Variants in RHBDF1 observed in about 807,000 individuals in gnomAD.
The protein encoded by RHBDF1 is rhomboid 5 homolog 1.
RHBDF1 carries 80 observed loss-of-function variants against 98.6 expected under a neutral mutation model. The ratio of observed to expected loss-of-function variants is 0.81; its 90% CI spans 0.68 to 0.98. The LOEUF (loss-of-function observed/expected upper bound fraction) is 0.98. Among genes scored for constraint, RHBDF1 ranks in the 50% least tolerant of loss-of-function variants. The probability of loss-of-function intolerance (pLI) is 0.00; values close to 1 mark genes in which losing one functional copy is unlikely to be tolerated. For synonymous variants in RHBDF1, 512 were observed against 486.8 expected, an observed-to-expected ratio of 1.05 and a Z score of -0.68; for missense variants, 1,116 against 1,198.3, an observed-to-expected ratio of 0.93 and a Z score of 1.01.
In RHBDF1 at chr16:64,809, G is replaced by A. The variant is rs764102853; in HGVS notation, c.138C>T (p.Phe46=). Reference sequence around the variant, plus strand: ...CGGCTGGCATACTCACACTCCTCAGGAAAGCCTGTCGCCTCAGGGGCTGGG... The same window carrying A: ...CGGCTGGCATACTCACACTCCTCAGAAAAGCCTGTCGCCTCAGGGGCTGGG... ...SFLQPLRRQA[F]LRSVSMPAET... Residue 46 remains phenylalanine (F), a synonymous_variant, in exon 3 of 18, where the codon TTC becomes TTT. Coordinates refer to ENST00000262316, the MANE Select transcript of RHBDF1 (RefSeq NM_022450.5). 5 of 1,614,102 alleles carry A rather than the reference G, an allele frequency of 3.1e-6. No individual in the cohort carries two copies. The highest frequency in any genetic ancestry group is 4.2e-6 in the Non-Finnish European group (5 of 1,180,020).
At chr16:61,324 G>A in intron 10 of RHBDF1, 43 bp from the exon 11 acceptor site, 1 of 1,543,142 alleles carries the variant, frequency 6.5e-7, no homozygotes, top group Non-Finnish European at 8.7e-7. Context: ...GGGGCCTCCT[G>A]CCCCCGCCGG....
rs757114372 is a variant in RHBDF1 at position 63,043 on chromosome 16, C to A, written c.602G>T (p.Arg201Leu). 1 of 1,612,958 alleles carries A rather than the reference C, an allele frequency of 6.2e-7. No individual in the cohort carries two copies. Among genetic ancestry groups the A allele is most frequent in the Non-Finnish European group, 8.5e-7 (1 of 1,179,830 alleles). ...CTCTCGCTTGCGCCGCCGCGGGAGC[C>A]GGTGGAAACCTGAGCGGGAGCTGGA... ...SFSSSRSGFH[R>L]LPRRRKRESV... The change falls in exon 5 of 18, where the codon CGG becomes CTG. Residue 201 changes from arginine to leucine, a missense_variant. Arg to Leu is a moderately radical substitution (Grantham distance 102). Transcript: ENST00000262316.
intron 3 of RHBDF1, chr16:64,214 C>A (rs1203841563): frequency 6.1e-6 from 8 of 1,309,642 alleles, no homozygotes; most frequent in South Asian, 3.7e-5. Flanking sequence ...AACAAAAACA[C>A]TGCCAGCACC....
chr16:71,670 C>A (rs1340122531), intron 1 of RHBDF1, among the ~76,000 whole-genome samples: 1 of 152,184 alleles, frequency 6.6e-6, no homozygotes, highest in East Asian at 1.9e-4. Context: ...CCATCTCAAG[C>A]GGCACACACA....
chr16:67,179 C>T (rs144647169), intron 1 of RHBDF1, among the ~76,000 whole-genome samples: 3 of 152,360 alleles, frequency 2.0e-5, no homozygotes, highest in East Asian at 1.9e-4. Flanking sequence ...GCATCAGACA[C>T]GTTGGGAAGG....
intron 7 of RHBDF1, 117 bp from the exon 8 acceptor site, chr16:62,169 G>A (rs1897658313): frequency 4.5e-6 from 6 of 1,347,342 alleles, no homozygotes; most frequent in South Asian, 1.5e-5. Context: ...CAAGTCGCCC[G>A]GCATCTGCCT....
In RHBDF1 at chr16:60,295, A is replaced by G; in HGVS notation, c.1659-16T>C. ...ATCACACACCCTGCATGAGCCAAGT[A>G]TGTGGTCAGACCGGCTTCGAGCCCC... On this transcript the variant is annotated splice_polypyrimidine_tract_variant and intron_variant, in intron 12 of 17. Coordinates refer to ENST00000262316, the MANE Select transcript of RHBDF1 (RefSeq NM_022450.5). 1 of 1,613,950 alleles carries G rather than the reference A, an allele frequency of 6.2e-7. No homozygotes were observed. The highest frequency in any genetic ancestry group is 8.5e-7 in the Non-Finnish European group (1 of 1,179,982).
chr16:61,311 TC>T (rs1272555588), intron 10 of RHBDF1, 30 bp from the exon 11 acceptor site: 1 of 1,542,588 alleles, frequency 6.5e-7, no homozygotes, highest in African/African-American at 1.4e-5. Context: ...GCGGCCGCAG[TC>T]CGGGGCCTCC....
Position 68,556 on chromosome 16 carries a change from G to C in RHBDF1, c.-24-3517C>G, listed in dbSNP as rs542602825. Among the ~76,000 whole-genome samples, 10 of 152,364 alleles carry C rather than the reference G, an allele frequency of 6.6e-5. No individual in the cohort carries two copies. In the South Asian group the frequency reaches 1.9e-3, roughly 28 times the overall value. Reference sequence around the variant, plus strand: ...TGGCCCACGGAAGGCCTCACTGCCTGGGGTCACACAGCATCTGAGTCACTG... The same window carrying C: ...TGGCCCACGGAAGGCCTCACTGCCTCGGGTCACACAGCATCTGAGTCACTG... On this transcript the variant is annotated intron_variant, in intron 1 of 17. Transcript: ENST00000262316.
intron 1 of RHBDF1, among the ~76,000 whole-genome samples, chr16:70,116 C>T (rs574956156): frequency 1.7e-4 from 26 of 152,128 alleles, no homozygotes; most frequent in Non-Finnish European, 2.9e-4. Flanking sequence ...ACATGGCAGA[C>T]ACACCCAGGA....
chr16:62,449 CCA>C, intron 7 of RHBDF1, 87 bp downstream of exon 7: 1 of 1,517,892 alleles, frequency 6.6e-7, no homozygotes, highest in South Asian at 1.2e-5. Flanking sequence ...CTTCCATCGC[CCA>C]CAGAGGTGAA....
At chr16:64,189 G>A in intron 3 of RHBDF1, 1 of 1,184,722 alleles carries the variant, frequency 8.4e-7, no homozygotes, top group Middle Eastern at 2.2e-4. Context: ...GCTGTCCACA[G>A]CACTTGGACA....
At position 64,842 on chromosome 16, in the gene RHBDF1, G is replaced by C. The variant is rs778219378; in HGVS notation, c.118-13C>G. The stretch of plus-strand genomic sequence containing the variant: ...GTCGCCTCAGGGGCTGGGCAACAGG[G>C]TCATGGTGAGGGTACTGGACAGGGG... On this transcript the variant is annotated splice_polypyrimidine_tract_variant and intron_variant, in intron 2 of 17. Coordinates refer to ENST00000262316, the MANE Select transcript of RHBDF1 (RefSeq NM_022450.5). 3.4e-5 allele frequency: 55 copies of C among 1,613,992 alleles called. No individual in the cohort carries two copies. Among genetic ancestry groups the C allele is most frequent in the Admixed American group, 1.7e-5 (1 of 60,000 alleles).
At chr16:62,480 T>TGTTCCTGACG (rs1897671030) in intron 7 of RHBDF1, 58 bp downstream of exon 7, 6 of 1,585,994 alleles carry the variant, frequency 3.8e-6, no homozygotes, top group Non-Finnish European at 5.1e-6. Context: ...CTCGCCCAGC[T>TGTTCCTGACG]GTTCCTGACG....
rs372254410 is a variant in RHBDF1 at position 62,736 on chromosome 16, G to C, written c.795+39C>G. The C allele has an allele frequency of 5.1e-4, 831 of 1,614,110 alleles. 10 individuals carry two copies. In the South Asian group the frequency reaches 8.4e-3, roughly 16 times the overall value. ...AGGTCAGGGTGGACACAGGCAGGAA[G>C]GGAACGTGGGGTGGGGGGACACCCC... is the stretch of plus-strand genomic sequence containing the variant. On this transcript the variant is annotated intron_variant, in intron 6 of 17. Coordinates refer to ENST00000262316, the MANE Select transcript of RHBDF1 (RefSeq NM_022450.5).
intron 3 of RHBDF1, 49 bp downstream of exon 3, chr16:64,650 C>T (rs1237240456): frequency 1.9e-6 from 3 of 1,572,266 alleles, no homozygotes; most frequent in Admixed American, 1.8e-5. Flanking sequence ...GCCTCTGCCC[C>T]ACCAGCCCCC....
chr16:61,445 G>C lies in RHBDF1; in HGVS notation c.1335C>G (p.Arg445=). 1 of 1,611,022 alleles carries C rather than the reference G, an allele frequency of 6.2e-7. No homozygotes were observed. ...CGTACTTGACGTTCTCGTAGACCCC[G>C]CGGTTCCGCAGCACCTGGGAGGTTG... ...HETVDSVLRN[R]GVYENVKYVQ... Residue 445 remains arginine (R), a synonymous_variant, in exon 10 of 18, where the codon CGC becomes CGG. Transcript: ENST00000262316.
intron 7 of RHBDF1, 102 bp downstream of exon 7, chr16:62,436 C>A: frequency 6.9e-7 from 1 of 1,452,800 alleles, no homozygotes; most frequent in Non-Finnish European, 9.4e-7. Context: ...CCTGAGGCTA[C>A]CCCTTCCATC....
chr16:66,349 G>T (rs560009100), intron 1 of RHBDF1, among the ~76,000 whole-genome samples: 3 of 152,288 alleles, frequency 2.0e-5, no homozygotes, highest in African/African-American at 7.2e-5. Flanking sequence ...TACAAATAGG[G>T]AAACTGAGGC....
Sources: allele counts gnomAD v4.1 joint callset (sites outside exome capture counted in the v4.1 genomes callset), GRCh38; gene constraint gnomAD v4.1.1; transcripts MANE v1.5; gene names NCBI Gene and HGNC (gene_info 2026-07-23, HGNC 2026-07-21).